Variants in RCOR1 observed in about 807,000 individuals in gnomAD.
RCOR1 encodes REST corepressor.
Under a neutral mutation model 64.0 loss-of-function variants are expected in RCOR1, and 12 were observed. That is an observed-to-expected ratio of 0.19 (90% confidence interval 0.12 to 0.30). The LOEUF is 0.30. Ranked by LOEUF, RCOR1 falls within the 10% of genes least tolerant of loss-of-function variation. The pLI is 1.00. For synonymous variants in RCOR1, 279 were observed against 227.2 expected (o/e 1.23, Z -2.05); for missense variants, 502 against 621.2 (o/e 0.81, Z 2.04).
intron 2 of RCOR1, among the ~76,000 whole-genome samples, chr14:102,597,605 A>G (rs1402623482): frequency 7.2e-6 from 1 of 139,650 alleles, no homozygotes; most frequent in Admixed American, 7.4e-5. Context: ...CTGGGATTTC[A>G]GGCGTGAGCC....
chr14:102,670,055 A>G (rs559841656), intron 2 of RCOR1, among the ~76,000 whole-genome samples: 1 of 152,230 alleles, frequency 6.6e-6, no homozygotes, highest in East Asian at 1.9e-4. Context: ...GGTTCAAGCA[A>G]TTCTCCGGCC....
rs1258882523 is a variant in RCOR1, at chr14:102,727,391, T to G, written c.*885T>G. The G allele has an allele frequency of 2.0e-5, 3 of 151,558 alleles. No individual in the cohort carries two copies. Among genetic ancestry groups the G allele is most frequent in the African/African-American group, 4.9e-5 (2 of 41,158 alleles). 9.4% of individuals were successfully genotyped at this position (151,558 alleles called of 1,614,324 possible). ...TTTGGCAACCATGGTTATCAATCCT[T>G]TTTCTGTTTTAGTGTCTTATTTCTT... On this transcript the variant is annotated 3_prime_UTR_variant, in exon 12 of 12. Transcript: ENST00000262241.
intron 3 of RCOR1, among the ~76,000 whole-genome samples, chr14:102,689,670 T>G (rs1398688781): frequency 6.6e-6 from 1 of 152,220 alleles, no homozygotes; most frequent in Non-Finnish European, 1.5e-5. Context: ...GAGGAAAAAC[T>G]GGTCCAGTGG....
At chr14:102,601,150 C>G (rs10144778) in intron 2 of RCOR1, among the ~76,000 whole-genome samples, 84,318 of 151,776 alleles carry the variant, frequency 0.56, 25,533 homozygotes, top group South Asian at 0.7. Context: ...GATGGCACCA[C>G]TGCACTCCAG....
chr14:102,645,751 T>A (rs1156840136), intron 2 of RCOR1, among the ~76,000 whole-genome samples: 6 of 152,178 alleles, frequency 3.9e-5, no homozygotes, highest in Non-Finnish European at 8.8e-5. Context: ...AGGTCAGGAA[T>A]TTAGGAAGAG....
chr14:102,654,849 C>T (rs1375662726), intron 2 of RCOR1, among the ~76,000 whole-genome samples: 3 of 142,982 alleles, frequency 2.1e-5, no homozygotes, highest in Admixed American at 1.4e-4. Context: ...CTCTTCGTCA[C>T]CTAGGCTGGA....
At chr14:102,599,808 G>GTT (rs1555460975) in intron 2 of RCOR1, among the ~76,000 whole-genome samples, 5 of 41,728 alleles carry the variant, frequency 1.2e-4, no homozygotes, top group African/African-American at 3.1e-4. Context: ...GTTTTGTTTT[G>GTT]TTTTTTTTTT....
chr14:102,593,034 G>T lies in RCOR1; in HGVS notation c.148G>T (p.Ala50Ser). 2.3e-6 allele frequency: 3 copies of T among 1,282,762 alleles called. No individual in the cohort carries two copies. The highest frequency in any genetic ancestry group is 3.0e-6 in the Non-Finnish European group (3 of 1,007,186). The allele number at this position is 1,282,762 out of a possible 1,614,324, so 79.5% of individuals were successfully genotyped here. A position where few individuals can be genotyped will look rare whatever the true frequency, so the allele number is the denominator to read the frequency against. ...AGCCGCCACTGCCGCCTCGGGCGCCGCCGCCTCCTCAGCCTCGGCCGCCGC... is the reference window on the plus strand; with the variant it reads ...AGCCGCCACTGCCGCCTCGGGCGCCTCCGCCTCCTCAGCCTCGGCCGCCGC... ...SPAATAASGA[A>S]ASSASAAAAS... is the part of the protein sequence containing the mutation. The change falls in exon 1 of 12, where the codon GCC (alanine) becomes TCC (serine). Residue 50 changes from alanine to serine, a missense_variant. Around this residue, in one of 2 missense-constraint regions of RCOR1, gnomAD observed 242 missense variants for 204.9 expected, o/e 1.18. Coordinates refer to ENST00000262241, the MANE Select transcript of RCOR1 (RefSeq NM_015156.4).
At chr14:102,616,516 C>T (rs1055805339) in intron 2 of RCOR1, among the ~76,000 whole-genome samples, 25 of 152,216 alleles carry the variant, frequency 1.6e-4, no homozygotes, top group African/African-American at 5.8e-4. Context: ...AGCAGTCCTC[C>T]GGCCTTGGAT....
chr14:102,595,711 C>T (rs979384884), intron 2 of RCOR1, among the ~76,000 whole-genome samples: 3 of 151,804 alleles, frequency 2.0e-5, no homozygotes, highest in African/African-American at 7.3e-5. Flanking sequence ...TCCAGAGTAG[C>T]AGGGACTACA....
In RCOR1 at chr14:102,726,678, C is replaced by G; in HGVS notation, c.*172C>G. 2 of 599,890 alleles carry G rather than the reference C, an allele frequency of 3.3e-6. No individual in the cohort carries two copies. Among genetic ancestry groups the G allele is most frequent in the African/African-American group, 1.9e-5 (1 of 52,258 alleles). The allele number at this position is 599,890 out of a possible 1,614,324, so 37.2% of individuals were successfully genotyped here. On this transcript the variant is annotated 3_prime_UTR_variant, in exon 12 of 12. Coordinates refer to ENST00000262241, the MANE Select transcript of RCOR1 (RefSeq NM_015156.4). The stretch of plus-strand genomic sequence containing the variant: ...CATCTGCCTTAATTCTTTGCTCGTT[C>G]CTCCATGTTGGCGCCACTTCCCAGA...
intron 2 of RCOR1, among the ~76,000 whole-genome samples, chr14:102,595,699 C>T (rs1893228116): frequency 6.6e-6 from 1 of 151,930 alleles, no homozygotes; most frequent in South Asian, 2.1e-4. Context: ...CCTGCCTCAG[C>T]CTCCAGAGTA....
At chr14:102,708,345 C>T (rs1895895799) in intron 5 of RCOR1, 120 bp from the exon 6 acceptor site, 2 of 636,724 alleles carry the variant, frequency 3.1e-6, no homozygotes, top group Non-Finnish European at 5.7e-6. Flanking sequence ...CGTGATCCGC[C>T]TGCCTTAGCC....
intron 2 of RCOR1, among the ~76,000 whole-genome samples, chr14:102,594,546 C>A (rs531706278): frequency 6.6e-6 from 1 of 152,196 alleles, no homozygotes; most frequent in South Asian, 2.1e-4. Context: ...CTAAATTGGC[C>A]TTCTAAATTT....
chr14:102,607,532 A>T (rs1042807611), intron 2 of RCOR1, among the ~76,000 whole-genome samples: 1 of 152,004 alleles, frequency 6.6e-6, no homozygotes, highest in Non-Finnish European at 1.5e-5. Flanking sequence ...GGGTCACCTG[A>T]GGTCAGGAGT....
intron 2 of RCOR1, among the ~76,000 whole-genome samples, chr14:102,620,794 A>G (rs752443253): frequency 2.6e-5 from 4 of 152,144 alleles, no homozygotes; most frequent in Non-Finnish European, 4.4e-5. Context: ...CACTTAGAGT[A>G]AAAGTGAAAG....
At chr14:102,650,235 A>T (rs530964793) in intron 2 of RCOR1, among the ~76,000 whole-genome samples, 1 of 150,192 alleles carries the variant, frequency 6.7e-6, no homozygotes, top group Non-Finnish European at 1.5e-5. Flanking sequence ...GGCCATGGGC[A>T]TGGTGGCTGG....
At chr14:102,697,562 T>C (rs1337267117) in intron 3 of RCOR1, among the ~76,000 whole-genome samples, 1 of 152,200 alleles carries the variant, frequency 6.6e-6, no homozygotes, top group East Asian at 1.9e-4. Context: ...TAGATGGTAA[T>C]TCCTTTTACA....
At position 102,726,534 on chromosome 14, in the gene RCOR1, T is replaced by G. The variant is rs571083870; in HGVS notation, c.*28T>G. 52 of 1,580,894 alleles carry G rather than the reference T, an allele frequency of 3.3e-5. No homozygotes were observed. In the South Asian group the frequency reaches 5.5e-4, roughly 17 times the overall value. On this transcript the variant is annotated 3_prime_UTR_variant, in exon 12 of 12. Transcript: ENST00000262241. ...AACTGGTGGCTTTGAACACTTGGTG[T>G]GGACTACTGTGTTATCCGGGATATC...
Sources: allele counts gnomAD v4.1 joint callset (sites outside exome capture counted in the v4.1 genomes callset), GRCh38; gene constraint gnomAD v4.1.1; regional missense constraint gnomAD v4.1.1; transcripts MANE v1.5; gene names NCBI Gene and HGNC (gene_info 2026-07-23, HGNC 2026-07-21).